Variants in SMAP1 observed in about 807,000 individuals in gnomAD.
SMAP1 encodes stromal membrane-associated protein 1.
In SMAP1, 24 loss-of-function variants were observed where a neutral mutation model predicts 58.5. The observed-to-expected ratio is 0.41, with a 90% confidence interval of 0.30 to 0.58. The LOEUF (loss-of-function observed/expected upper bound fraction) is 0.58, where lower values mean the gene tolerates loss of function less well. SMAP1 is among the 20% of genes least tolerant of loss of function. The pLI, the probability that SMAP1 is intolerant of heterozygous loss-of-function variation, is 0.29. For synonymous variants in SMAP1, 216 were observed against 196.6 expected, an observed-to-expected ratio of 1.10 and a Z score of -0.82; for missense variants, 563 against 566.3, an observed-to-expected ratio of 0.99 and a Z score of 0.06.
intron 7 of SMAP1, among the ~76,000 whole-genome samples, chr6:70,842,162 T>G (rs1448301208): frequency 3.3e-5 from 5 of 152,162 alleles, no homozygotes; most frequent in Admixed American, 6.5e-5. Flanking sequence ...GTAGCAGAAG[T>G]GCCCAAGAAA....
chr6:70,780,275 T>A (rs972297892), intron 4 of SMAP1, among the ~76,000 whole-genome samples: 1 of 152,146 alleles, frequency 6.6e-6, no homozygotes, highest in Non-Finnish European at 1.5e-5. Flanking sequence ...GACAACAGTT[T>A]GCAGAAATTT....
intron 3 of SMAP1, among the ~76,000 whole-genome samples, chr6:70,766,042 A>T (rs1445377914): frequency 6.6e-6 from 1 of 151,946 alleles, no homozygotes; most frequent in African/African-American, 2.4e-5. Flanking sequence ...GATGATTTCC[A>T]ATTTCATCCG....
intron 7 of SMAP1, among the ~76,000 whole-genome samples, chr6:70,850,850 G>A (rs996377525): frequency 1.3e-5 from 2 of 151,912 alleles, no homozygotes; most frequent in Non-Finnish European, 2.9e-5. Flanking sequence ...ATGTAAATGG[G>A]GTATGGAATG....
intron 1 of SMAP1, 121 bp from the exon 2 acceptor site, chr6:70,732,257 C>A: frequency 1.9e-6 from 2 of 1,039,216 alleles, no homozygotes; most frequent in South Asian, 2.2e-5. Flanking sequence ...AAAATTTGAG[C>A]ATGTGACTTC....
intron 6 of SMAP1, 91 bp downstream of exon 6, chr6:70,798,828 T>C: frequency 9.8e-7 from 1 of 1,019,096 alleles, no homozygotes; most frequent in Non-Finnish European, 1.4e-6. Context: ...TTATAATATG[T>C]AAATAATCAT....
At chr6:70,826,934 C>CA (rs61069311) in intron 6 of SMAP1, among the ~76,000 whole-genome samples, 10,547 of 76,444 alleles carry the variant, frequency 0.14, 1,171 homozygotes, top group Non-Finnish European at 0.18. Context: ...AACCGTGTCT[C>CA]AAAAAAAAAA....
intron 4 of SMAP1, among the ~76,000 whole-genome samples, chr6:70,790,221 A>G (rs920137136): frequency 3.3e-5 from 5 of 151,924 alleles, no homozygotes; most frequent in Admixed American, 1.3e-4. Context: ...GCTCACTGCA[A>G]CCTCCGCCTC....
At chr6:70,849,278 A>G (rs147391553) in intron 7 of SMAP1, among the ~76,000 whole-genome samples, 30 of 152,322 alleles carry the variant, frequency 2.0e-4, no homozygotes, top group African/African-American at 6.0e-4. Flanking sequence ...CTCATTCTAA[A>G]AAGGATTCTG....
intron 6 of SMAP1, among the ~76,000 whole-genome samples, chr6:70,799,998 T>A (rs1582212841): frequency 1.3e-5 from 2 of 152,344 alleles, no homozygotes. Flanking sequence ...TTTCCTTGAT[T>A]ACAGAATGAG....
intron 4 of SMAP1, among the ~76,000 whole-genome samples, chr6:70,775,035 C>G (rs1166043132): frequency 3.3e-5 from 5 of 151,170 alleles, no homozygotes; most frequent in African/African-American, 1.2e-4. Context: ...ATTAAGTTTT[C>G]AAGTATCATT....
chr6:70,693,863 A>G (rs890933671), intron 1 of SMAP1: 1 of 152,666 alleles, frequency 6.6e-6, no homozygotes, highest in African/African-American at 2.4e-5. Context: ...CACTCAAAGT[A>G]TTGAAGATGA....
chr6:70,776,601 C>A (rs1767557579), intron 4 of SMAP1, among the ~76,000 whole-genome samples: 1 of 152,168 alleles, frequency 6.6e-6, no homozygotes, highest in African/African-American at 2.4e-5. Flanking sequence ...CGTACTCCTC[C>A]TATCTAGCTG....
chr6:70,699,005 T>C (rs2149826158), intron 1 of SMAP1, among the ~76,000 whole-genome samples: 1 of 152,338 alleles, frequency 6.6e-6, no homozygotes, highest in South Asian at 2.1e-4. Flanking sequence ...TGGTCTTTTC[T>C]GTCTAGGCTT....
At chr6:70,743,583 T>G (rs1765900530) in intron 2 of SMAP1, among the ~76,000 whole-genome samples, 1 of 152,252 alleles carries the variant, frequency 6.6e-6, no homozygotes, top group South Asian at 2.1e-4. Flanking sequence ...TAAACAATTC[T>G]TGGTATACAT....
intron 2 of SMAP1, among the ~76,000 whole-genome samples, chr6:70,739,710 C>G (rs562910429): frequency 6.6e-6 from 1 of 151,924 alleles, no homozygotes; most frequent in Non-Finnish European, 1.5e-5. Flanking sequence ...CTCCTCTTAC[C>G]TGTATGTTGG....
At position 70,858,195 on chromosome 6, in the gene SMAP1, C is replaced by T. The variant is rs745853859; in HGVS notation, c.1235C>T (p.Pro412Leu). 54 of 1,613,444 alleles carry T rather than the reference C, an allele frequency of 3.3e-5. No homozygotes were observed. Among genetic ancestry groups the T allele is most frequent in the African/African-American group, 1.2e-4 (9 of 74,810 alleles). ...MGAPQSKFGL[P>L]QAQQPQWSLS... is the part of the protein sequence containing the mutation. ...GCACCCCAGAGTAAGTTTGGCCTGC[C>T]GCAAGCTCAGCAGCCCCAGTGGAGC... The change falls in exon 10 of 11, where the codon CCG becomes CTG. Residue 412 changes from proline (P) to leucine (L), a missense_variant. Transcript: ENST00000370455.
At chr6:70,701,147 C>A (rs1767611172) in intron 1 of SMAP1, among the ~76,000 whole-genome samples, 4 of 152,170 alleles carry the variant, frequency 2.6e-5, no homozygotes, top group Admixed American at 2.6e-4. Context: ...CAGCTGGTAT[C>A]TCAGCTCACT....
At chr6:70,670,914 A>G (rs1766236792) in intron 1 of SMAP1, among the ~76,000 whole-genome samples, 1 of 152,218 alleles carries the variant, frequency 6.6e-6, no homozygotes, top group African/African-American at 2.4e-5. Context: ...AACGAAGGAG[A>G]AAAGGATGGC....
intron 1 of SMAP1, among the ~76,000 whole-genome samples, chr6:70,710,187 A>G (rs527335690): frequency 6.6e-6 from 1 of 152,080 alleles, no homozygotes; most frequent in Non-Finnish European, 1.5e-5. Context: ...GTACAGTACA[A>G]ATTGCTATAA....
Sources: gnomAD v4.1 joint callset for allele counts (sites outside exome capture counted in the v4.1 genomes callset) on GRCh38, gnomAD v4.1.1 for gene constraint, MANE v1.5 for transcripts, NCBI Gene and HGNC (gene_info 2026-07-23, HGNC 2026-07-21) for gene names.